Variants in CD3E observed in about 807,000 individuals in gnomAD.
CD3E encodes the protein CD3 epsilon subunit of T-cell receptor complex.
In CD3E, 16 loss-of-function variants were observed where a neutral mutation model predicts 34.7. The ratio of observed to expected loss-of-function variants is 0.46; its 90% CI spans 0.31 to 0.70. CD3E has a LOEUF of 0.70. Among genes scored for constraint, CD3E ranks in the 30% least tolerant of loss-of-function variants. The probability of loss-of-function intolerance (pLI) is 0.05; values close to 1 mark genes in which losing one functional copy is unlikely to be tolerated. For missense variants in CD3E, 223 were observed against 253.9 expected (o/e 0.88, Z 0.83); for synonymous variants, 70 against 90.8 (o/e 0.77, Z 1.30).
chr11:118,308,456 A>C lies in CD3E; in HGVS notation c.85+15A>C. On this transcript the variant is annotated intron_variant, in intron 4 of 8. Coordinates refer to ENST00000361763, the MANE Select transcript of CD3E (RefSeq NM_000733.4). ...TGAAGAAATGGGTAAGAAGATTTCC[A>C]CTCTATCTAGCAAAAGTTTTCAAAT... is the stretch of plus-strand genomic sequence containing the variant. 6.4e-7 allele frequency: 1 copy of C among 1,564,132 alleles called. No homozygotes were observed. The highest frequency in any genetic ancestry group is 2.2e-5 in the East Asian group (1 of 44,674).
At chr11:118,315,339 C>T (rs1242719011) in intron 8 of CD3E, 147 bp from the exon 9 acceptor site, 1 of 684,598 alleles carries the variant, frequency 1.5e-6, no homozygotes, top group South Asian at 1.7e-5. Context: ...AAGTCTCCTA[C>T]CGTCCATGCC....
intron 2 of CD3E, among the ~76,000 whole-genome samples, chr11:118,306,691 A>C (rs557161910): frequency 4.6e-5 from 7 of 152,246 alleles, no homozygotes; most frequent in African/African-American, 1.7e-4. Flanking sequence ...AATGCCAGGG[A>C]AACTGATCAT....
rs188934551 is a variant in CD3E, at chr11:118,312,715, C to T, written c.201C>T (p.Gly67=). The T allele has an allele frequency of 8.1e-6, 13 of 1,614,020 alleles. No individual in the cohort carries two copies. In the East Asian group the frequency reaches 8.9e-5, roughly 11 times the overall value. The change falls in exon 6 of 9, where the codon GGC becomes GGT. Residue 67 remains glycine, a synonymous_variant. Coordinates refer to ENST00000361763, the MANE Select transcript of CD3E (RefSeq NM_000733.4). ...ILWQHNDKNI[G]GDEDDKNIGS... ...GGCAACACAATGATAAAAACATAGGCGGTGATGAGGATGATAAAAACATAG... is the reference window on the plus strand; with the variant it reads ...GGCAACACAATGATAAAAACATAGGTGGTGATGAGGATGATAAAAACATAG...
Position 118,315,621 on chromosome 11 carries a change from C to G in CD3E, c.*79C>G, listed in dbSNP as rs1948162095. On this transcript the variant is annotated 3_prime_UTR_variant, in exon 9 of 9. Coordinates refer to ENST00000361763, the MANE Select transcript of CD3E (RefSeq NM_000733.4). ...GCGACTCCCTGTTTCCTGGGCTAGT[C>G]TTGGACCCCACGAGAGAGAATCGTT... The G allele has an allele frequency of 1.6e-6, 2 of 1,221,750 alleles. No homozygotes were observed. Among genetic ancestry groups the G allele is most frequent in the African/African-American group, 1.5e-5 (1 of 66,828 alleles). 75.7% of individuals were successfully genotyped at this position (1,221,750 alleles called of 1,614,324 possible). A position where few individuals can be genotyped will look rare whatever the true frequency, so the allele number is the denominator to read the frequency against.
At chr11:118,306,300 A>T (rs1203013690) in intron 2 of CD3E, among the ~76,000 whole-genome samples, 1 of 152,104 alleles carries the variant, frequency 6.6e-6, no homozygotes, top group Non-Finnish European at 1.5e-5. Context: ...GTTCAAGACC[A>T]GCCTGGGCAA....
chr11:118,313,260 G>T, intron 6 of CD3E: 1 of 345,394 alleles, frequency 2.9e-6, no homozygotes, highest in Non-Finnish European at 5.5e-6. Flanking sequence ...CATAAGCTAA[G>T]GTATAATAAT....
At chr11:118,308,717 CAG>C (rs200363535) in intron 4 of CD3E, among the ~76,000 whole-genome samples, 1 of 152,222 alleles carries the variant, frequency 6.6e-6, no homozygotes, top group East Asian at 1.9e-4. Context: ...TGAAGGCAGA[CAG>C]AGACAGTGTC....
intron 4 of CD3E, among the ~76,000 whole-genome samples, chr11:118,308,833 C>T (rs1490788907): frequency 6.6e-6 from 1 of 152,178 alleles, no homozygotes; most frequent in South Asian, 2.1e-4. Flanking sequence ...TACCTCCCCT[C>T]AAGAAGCTGA....
At chr11:118,305,062 TA>T in intron 2 of CD3E, 61 bp downstream of exon 2, 1 of 1,432,404 alleles carries the variant, frequency 7.0e-7, no homozygotes, top group Non-Finnish European at 9.9e-7. Flanking sequence ...CTTACAGCCT[TA>T]CCTGGCACTG....
At chr11:118,314,566 T>C in intron 8 of CD3E, 72 bp downstream of exon 8, 2 of 1,385,164 alleles carry the variant, frequency 1.4e-6, no homozygotes, top group Non-Finnish European at 2.0e-6. Context: ...ACAGATGGGA[T>C]GGCCCATCTT....
At chr11:118,304,821 G>A in intron 1 of CD3E, 45 bp downstream of exon 1, 1 of 810,096 alleles carries the variant, frequency 1.2e-6, no homozygotes, top group Admixed American at 1.7e-5. Flanking sequence ...TCCTAGCATT[G>A]GGAACAATGG....
chr11:118,310,021 T>A (rs966781618), intron 4 of CD3E, among the ~76,000 whole-genome samples: 7 of 152,226 alleles, frequency 4.6e-5, no homozygotes, highest in African/African-American at 1.2e-4. Flanking sequence ...AATAAAAAAA[T>A]TTTAATGCAG....
chr11:118,308,524 C>A, intron 4 of CD3E, 83 bp downstream of exon 4: 1 of 891,198 alleles, frequency 1.1e-6, no homozygotes. Context: ...GTAACAAACC[C>A]TGAGAACTAA....
intron 3 of CD3E, among the ~76,000 whole-genome samples, chr11:118,307,764 C>T (rs1948115571): frequency 6.6e-6 from 1 of 152,064 alleles, no homozygotes. Flanking sequence ...ATGAGTGTGC[C>T]CGGCCTGAAC....
intron 8 of CD3E, 141 bp from the exon 9 acceptor site, chr11:118,315,345 A>G: frequency 2.8e-6 from 2 of 707,204 alleles, no homozygotes; most frequent in Non-Finnish European, 5.0e-6. Context: ...CCTACCGTCC[A>G]TGCCAAATTA....
At chr11:118,305,139 G>A (rs1334722358) in intron 2 of CD3E, 138 bp downstream of exon 2, 187 of 880,356 alleles carry the variant, frequency 2.1e-4, no homozygotes, top group Non-Finnish European at 2.1e-4. Flanking sequence ...TTAGGGTGAG[G>A]GATTAGAGCT....
intron 4 of CD3E, among the ~76,000 whole-genome samples, chr11:118,309,122 T>C (rs1948122582): frequency 1.3e-5 from 2 of 152,228 alleles, no homozygotes; most frequent in South Asian, 4.1e-4. Flanking sequence ...TTGGCTCAAC[T>C]CTCTACTTGC....
chr11:118,312,268 A>T (rs146167864), intron 5 of CD3E, 98 bp downstream of exon 5: 1 of 1,075,794 alleles, frequency 9.3e-7, no homozygotes, highest in Non-Finnish European at 1.5e-6. Flanking sequence ...CCAAGAACTG[A>T]TATCTTCCCA....
intron 5 of CD3E, 155 bp from the exon 6 acceptor site, chr11:118,312,463 C>T: frequency 1.1e-6 from 1 of 882,478 alleles, no homozygotes; most frequent in Non-Finnish European, 1.8e-6. Context: ...ATCTCCTCTT[C>T]CACACCCTCT....
Sources: allele counts gnomAD v4.1 joint callset (sites outside exome capture counted in the v4.1 genomes callset), GRCh38; gene constraint gnomAD v4.1.1; transcripts MANE v1.5; gene names NCBI Gene and HGNC (gene_info 2026-07-23, HGNC 2026-07-21).